The following MGAT4C variants were observed in gnomAD, a reference collection of about 807,000 sequenced individuals.
MGAT4C encodes MGAT4 family member C.
MGAT4C carries 19 observed loss-of-function variants against 40.1 expected under a neutral mutation model. The ratio of observed to expected loss-of-function variants is 0.47; its 90% confidence interval spans 0.33 to 0.70. The LOEUF is 0.70. Among genes scored for constraint, MGAT4C ranks in the 30% least tolerant of loss-of-function variants. MGAT4C has a pLI of 0.02. For missense variants in MGAT4C, 491 were observed against 563.2 expected, an observed-to-expected ratio of 0.87 and a Z score of 1.30; for synonymous variants, 181 against 187.1, an observed-to-expected ratio of 0.97 and a Z score of 0.27.
In MGAT4C at chr12:86,699,423, G is replaced by A. The variant is rs1950316861; in HGVS notation, c.-229+27786C>T. On this transcript the variant is annotated intron_variant, in intron 2 of 7. Coordinates refer to the MGAT4C transcript ENST00000548651. ...TTAGATCAGATTTTGATGATAAACC[G>A]ATACATAACTTTTGTCAATTTAGGT... is the stretch of plus-strand genomic sequence containing the variant. Among the ~76,000 whole-genome samples, 9 of 152,038 alleles carry A rather than the reference G, an allele frequency of 5.9e-5. No homozygotes were observed. The South Asian group carries it at 1.5e-3, about 25-fold the overall frequency.
intron 1 of MGAT4C, among the ~76,000 whole-genome samples, chr12:86,805,151 G>T (rs998981482): frequency 6.6e-5 from 10 of 151,908 alleles, no homozygotes; most frequent in African/African-American, 2.2e-4. Flanking sequence ...ATATGATATT[G>T]TTTGTTTAAT....
intron 1 of MGAT4C, among the ~76,000 whole-genome samples, chr12:86,801,058 A>G (rs905430167): frequency 1.3e-4 from 20 of 151,780 alleles, no homozygotes; most frequent in African/African-American, 4.8e-4. Context: ...CAGCCTTGAT[A>G]TTTTCTGTTT....
intron 2 of MGAT4C, among the ~76,000 whole-genome samples, chr12:86,652,552 C>T (rs1963723866): frequency 6.6e-6 from 1 of 151,774 alleles, no homozygotes; most frequent in African/African-American, 2.4e-5. Context: ...TTTTGTGTTT[C>T]TTTGAGGAGT....
chr12:86,830,443 T>TG (rs760302503), intron 1 of MGAT4C, among the ~76,000 whole-genome samples: 1 of 151,832 alleles, frequency 6.6e-6, no homozygotes, highest in Non-Finnish European at 1.5e-5. Context: ...TGTCTATCCA[T>TG]GACTCTATGT....
At chr12:86,267,019 G>T in intron 4 of MGAT4C, among the ~76,000 whole-genome samples, 1 of 150,756 alleles carries the variant, frequency 6.6e-6, no homozygotes. Flanking sequence ...GTCTCTTATT[G>T]GTTAGTTTAT....
chr12:86,001,656 T>TAAG, intron 2 of MGAT4C: 1 of 983,304 alleles, frequency 1.0e-6, no homozygotes, highest in East Asian at 1.1e-4. Context: ...TTTCTTTTTG[T>TAAG]AAGAAGTTGG....
intron 1 of MGAT4C, among the ~76,000 whole-genome samples, chr12:86,163,817 A>G (rs1298175390): frequency 1.3e-5 from 2 of 152,226 alleles, no homozygotes; most frequent in East Asian, 3.8e-4. Flanking sequence ...CATAATTTTC[A>G]TCTATCAATC....
intron 4 of MGAT4C, among the ~76,000 whole-genome samples, chr12:86,276,486 G>A (rs775588552): frequency 1.3e-5 from 2 of 152,034 alleles, no homozygotes; most frequent in Non-Finnish European, 1.5e-5. Flanking sequence ...TGGTCTCCCT[G>A]TTGTGGTATC....
chr12:86,120,084 G>C (rs543453837), intron 1 of MGAT4C, among the ~76,000 whole-genome samples: 1 of 150,824 alleles, frequency 6.6e-6, no homozygotes, highest in South Asian at 2.1e-4. Flanking sequence ...AACTTTCCTG[G>C]GCCTCAGTCT....
rs373852914 is a variant in MGAT4C, at chr12:86,347,607, A to G, written c.-119-13480T>C. 9.2e-5 allele frequency among the ~76,000 whole-genome samples: 14 copies of G among 152,284 alleles called. No individual in the cohort carries two copies. The East Asian group carries it at 1.7e-3, about 19-fold the overall frequency. On this transcript the variant is annotated intron_variant, in intron 3 of 7. Coordinates refer to the MGAT4C transcript ENST00000548651. ...TGCTACCTTAGCTCCCAATAAAATT[A>G]TAAGACATTTTCATATTTAAGTACT...
At chr12:86,418,958 C>A (rs1002103497) in intron 3 of MGAT4C, among the ~76,000 whole-genome samples, 1 of 152,060 alleles carries the variant, frequency 6.6e-6, no homozygotes, top group East Asian at 1.9e-4. Context: ...AGAAAAAATG[C>A]TCATATTTTT....
chr12:86,276,909 T>C (rs948072293), intron 4 of MGAT4C, among the ~76,000 whole-genome samples: 6 of 152,238 alleles, frequency 3.9e-5, no homozygotes, highest in Non-Finnish European at 5.9e-5. Context: ...AGTGTACATC[T>C]CTTAAATATA....
At chr12:86,043,220 T>A (rs1892048810) in intron 2 of MGAT4C, among the ~76,000 whole-genome samples, 2 of 152,078 alleles carry the variant, frequency 1.3e-5, no homozygotes, top group Non-Finnish European at 1.5e-5. Context: ...TAAAAGGGAG[T>A]TTATTAAGGA....
intron 1 of MGAT4C, among the ~76,000 whole-genome samples, chr12:86,815,251 A>G (rs1344509748): frequency 6.6e-6 from 1 of 152,108 alleles, no homozygotes; most frequent in Non-Finnish European, 1.5e-5. Context: ...AAAAATGCTC[A>G]ACATCACTAA....
chr12:86,613,016 T>C (rs1962337108), intron 2 of MGAT4C, among the ~76,000 whole-genome samples: 3 of 152,134 alleles, frequency 2.0e-5, no homozygotes, highest in Admixed American at 1.3e-4. Context: ...TACTGAATGA[T>C]TGTATCTAAA....
intron 2 of MGAT4C, among the ~76,000 whole-genome samples, chr12:86,538,631 A>G (rs1403740030): frequency 6.8e-6 from 1 of 147,656 alleles, no homozygotes; most frequent in Admixed American, 6.8e-5. Context: ...TTTTGAGACA[A>G]GAGTCTTGCT....
chr12:86,814,006 G>T (rs1952532335), intron 1 of MGAT4C, among the ~76,000 whole-genome samples: 1 of 151,728 alleles, frequency 6.6e-6, no homozygotes, highest in African/African-American at 2.4e-5. Flanking sequence ...CGCCACCCAG[G>T]TTCAAGCAAT....
intron 3 of MGAT4C, among the ~76,000 whole-genome samples, chr12:85,988,165 G>A (rs1885462910): frequency 6.6e-6 from 1 of 152,110 alleles, no homozygotes; most frequent in South Asian, 2.1e-4. Flanking sequence ...CAGCCATTGT[G>A]CATAGACTGT....
At chr12:86,477,584 T>C (rs988166760) in intron 2 of MGAT4C, among the ~76,000 whole-genome samples, 60 of 151,942 alleles carry the variant, frequency 3.9e-4, no homozygotes, top group African/African-American at 1.4e-3. Flanking sequence ...AAATGTCCTT[T>C]TTCTCTTTAT....
Sources: allele counts gnomAD v4.1 joint callset (sites outside exome capture counted in the v4.1 genomes callset), GRCh38; gene constraint gnomAD v4.1.1; transcripts MANE v1.5; gene names NCBI Gene and HGNC (gene_info 2026-07-23, HGNC 2026-07-21).